The following HMCN1 variants were observed in gnomAD, a reference collection of about 807,000 sequenced individuals.
The protein encoded by HMCN1 is hemicentin 1.
A neutral mutation model predicts 625.9 loss-of-function variants in HMCN1; 321 were observed. The ratio of observed to expected loss-of-function variants is 0.51; its 90% CI spans 0.47 to 0.56. HMCN1 has a LOEUF of 0.56. HMCN1 is among the 20% of genes least tolerant of loss of function. The pLI is 0.00. For missense variants in HMCN1, 6,588 were observed against 6,887.3 expected (o/e 0.96, Z 1.54); for synonymous variants, 2,425 against 2,417.6 (o/e 1.00, Z -0.09).
rs2102655079 is a variant in HMCN1 at position 186,178,482 on chromosome 1, T to G, written c.16010T>G (p.Phe5337Cys). Residue 5337 changes from phenylalanine to cysteine, a missense_variant, in exon 104 of 107, where the codon TTC becomes TGC. Coordinates refer to ENST00000271588, the MANE Select transcript of HMCN1 (RefSeq NM_031935.3). ...CAGTGCTCCAACACCCCCGGCAGCT[T>G]CAAGTGTATCTGTCCACCAGGACAA... ...AHQCSNTPGS[F>C]KCICPPGQHL... 1.2e-6 allele frequency: 2 copies of G among 1,614,124 alleles called. No individual in the cohort carries two copies. The highest frequency in any genetic ancestry group is 8.5e-7 in the Non-Finnish European group (1 of 1,179,988).
Position 185,779,443 on chromosome 1 carries a change from T to A in HMCN1, c.268+44396T>A, listed in dbSNP as rs1431862027. The stretch of plus-strand genomic sequence containing the variant: ...GCCCACGCCTATGTCCTGAATGGTA[T>A]TGCCTAAGTTTTCTTCTAGAGTTTT... On this transcript the variant is annotated intron_variant, in intron 1 of 106. Transcript: ENST00000271588. Among the ~76,000 whole-genome samples the A allele has an allele frequency of 3.9e-5, 6 of 152,326 alleles. No individual in the cohort carries two copies. In the South Asian group the frequency reaches 6.2e-4, roughly 16 times the overall value.
At chr1:185,842,126 C>T (rs931047097) in intron 1 of HMCN1, among the ~76,000 whole-genome samples, 1 of 152,132 alleles carries the variant, frequency 6.6e-6, no homozygotes, top group African/African-American at 2.4e-5. Flanking sequence ...GCCCTTACTA[C>T]ATAGTACTAT....
intron 2 of HMCN1, among the ~76,000 whole-genome samples, chr1:185,848,174 T>A (rs1661952981): frequency 6.6e-6 from 1 of 152,172 alleles, no homozygotes; most frequent in Non-Finnish European, 1.5e-5. Context: ...ATCATTTCCT[T>A]ACTCCCATTT....
At chr1:185,882,512 G>C (rs954899264) in intron 4 of HMCN1, among the ~76,000 whole-genome samples, 6 of 151,562 alleles carry the variant, frequency 4.0e-5, no homozygotes, top group African/African-American at 1.5e-4. Context: ...AAAGTATCCT[G>C]TTTTTTTAAA....
intron 105 of HMCN1, among the ~76,000 whole-genome samples, chr1:186,183,354 C>G (rs1433104872): frequency 6.6e-6 from 1 of 152,150 alleles, no homozygotes; most frequent in African/African-American, 2.4e-5. Context: ...GCCACCTCAT[C>G]CCACACCACC....
chr1:185,997,214 GAAGCATAAAAT>G (rs1408677378), intron 24 of HMCN1, among the ~76,000 whole-genome samples: 3 of 152,070 alleles, frequency 2.0e-5, no homozygotes, highest in Admixed American at 6.6e-5. Flanking sequence ...AGGATTGTGG[GAAGCATAAAAT>G]AATGAATTTT....
intron 40 of HMCN1, among the ~76,000 whole-genome samples, chr1:186,041,592 A>G (rs1035734476): frequency 3.3e-5 from 5 of 152,116 alleles, no homozygotes; most frequent in African/African-American, 9.7e-5. Context: ...ACTCAATATA[A>G]ATTTAGGCAA....
intron 102 of HMCN1, among the ~76,000 whole-genome samples, chr1:186,173,507 G>A (rs1313145199): frequency 3.3e-5 from 5 of 151,846 alleles, no homozygotes; most frequent in Non-Finnish European, 5.9e-5. Context: ...TGGGCATGGT[G>A]GCGCATGCCT....
intron 15 of HMCN1, among the ~76,000 whole-genome samples, chr1:185,973,467 A>G (rs1391239113): frequency 6.6e-6 from 1 of 152,026 alleles, no homozygotes; most frequent in Non-Finnish European, 1.5e-5. Context: ...TTCCAAAACT[A>G]TTGGGCATAA....
At chr1:185,809,733 G>A (rs920356706) in intron 1 of HMCN1, among the ~76,000 whole-genome samples, 6 of 151,942 alleles carry the variant, frequency 3.9e-5, no homozygotes, top group African/African-American at 1.4e-4. Flanking sequence ...CAGTCAGGGA[G>A]GAGGTACTTC....
intron 1 of HMCN1, among the ~76,000 whole-genome samples, chr1:185,774,039 A>G (rs1656427996): frequency 6.6e-6 from 1 of 152,194 alleles, no homozygotes; most frequent in Non-Finnish European, 1.5e-5. Flanking sequence ...GATACAGACA[A>G]CTTGCTGTCT....
intron 75 of HMCN1, 135 bp from the exon 76 acceptor site, chr1:186,116,859 G>C (rs1661158464): frequency 2.0e-6 from 2 of 983,480 alleles, no homozygotes; most frequent in South Asian, 2.8e-5. Context: ...TTGGCCTCAG[G>C]GACATGATGT....
Position 186,094,329 on chromosome 1 carries a change from AC to A in HMCN1, c.10251del (p.Asn3417LysfsTer66). 6.2e-7 allele frequency: 1 copy of A among 1,613,380 alleles called. No individual in the cohort carries two copies. Among genetic ancestry groups the A allele is most frequent in the African/African-American group, 1.3e-5 (1 of 74,976 alleles). On this transcript the variant is annotated frameshift_variant, in exon 67 of 107. Coordinates refer to ENST00000271588, the MANE Select transcript of HMCN1 (RefSeq NM_031935.3). LOFTEE classifies it high-confidence loss of function. The part of the protein sequence containing the change: ...DVAVYTCVAS[N>X]RAGVDNKHYN... Reference sequence around the variant, plus strand: ...GCTGTGTATACTTGTGTGGCCTCCAACAGAGCTGGGGTGGATAATAAGCATT... The same window carrying A: ...GCTGTGTATACTTGTGTGGCCTCCAAAGAGCTGGGGTGGATAATAAGCATT...
rs1320526732 is a variant in HMCN1 at position 186,153,852 on chromosome 1, C to G, written c.15121C>G (p.His5041Asp). Residue 5041 changes from histidine (H) to aspartate (D), a missense_variant, in exon 97 of 107, where the codon CAC becomes GAC. Transcript: ENST00000271588. ...DGISIPYTWN[H>D]TVFYDQAQGR... ...CATCAGCATCCCATACACATGGAAC[C>G]ACACCGTTTTCTATGATCAGGCACA... The G allele has an allele frequency of 6.2e-7, 1 of 1,614,152 alleles. No homozygotes were observed. The highest frequency in any genetic ancestry group is 1.7e-5 in the Admixed American group (1 of 60,022).
At chr1:186,005,390 AC>A (rs1184824519) in intron 29 of HMCN1, among the ~76,000 whole-genome samples, 1 of 147,854 alleles carries the variant, frequency 6.8e-6, no homozygotes, top group Non-Finnish European at 1.5e-5. Context: ...ATGTTTATAA[AC>A]AAGTTTTTAA....
chr1:185,875,830 T>G (rs1053910321), intron 4 of HMCN1, among the ~76,000 whole-genome samples: 1 of 152,130 alleles, frequency 6.6e-6, no homozygotes, highest in Admixed American at 6.6e-5. Flanking sequence ...CCTTGAGTCA[T>G]CTAGTTATCT....
intron 97 of HMCN1, among the ~76,000 whole-genome samples, chr1:186,158,548 C>T (rs1324995308): frequency 6.6e-6 from 1 of 152,140 alleles, no homozygotes; most frequent in Non-Finnish European, 1.5e-5. Flanking sequence ...AGGTTTTCTT[C>T]TAGGGTTTTT....
chr1:186,178,423 T>G lies in HMCN1; in HGVS notation c.15951T>G (p.Asn5317Lys). Residue 5317 changes from asparagine to lysine, a missense_variant, in exon 104 of 107, where the codon AAT (asparagine) becomes AAG (lysine). Physicochemically the swap from Asn to Lys is moderately conservative, Grantham distance 94. Around this residue, in one of 3 missense-constraint regions of HMCN1, gnomAD observed 1,954 missense variants for 2,013.1 expected, o/e 0.97. Coordinates refer to ENST00000271588, the MANE Select transcript of HMCN1 (RefSeq NM_031935.3). ...ATCATGGCATACGAGCAGACATTAA[T>G]GAATGTGAACAAGTGCCTAAACCTT... ...QGVGRPCMDI[N>K]ECEQVPKPCA... 6.2e-7 allele frequency: 1 copy of G among 1,612,582 alleles called. No homozygotes were observed. The highest frequency in any genetic ancestry group is 8.5e-7 in the Non-Finnish European group (1 of 1,178,618).
At chr1:185,773,946 T>C (rs1292580771) in intron 1 of HMCN1, among the ~76,000 whole-genome samples, 2 of 151,710 alleles carry the variant, frequency 1.3e-5, no homozygotes, top group Non-Finnish European at 2.9e-5. Flanking sequence ...AAATTATGAG[T>C]GTGAGAATAA....
Sources: gnomAD v4.1 joint callset for allele counts (sites outside exome capture counted in the v4.1 genomes callset) on GRCh38, gnomAD v4.1.1 for gene constraint, gnomAD v4.1.1 regional missense constraint, MANE v1.5 for transcripts, NCBI Gene and HGNC (gene_info 2026-07-23, HGNC 2026-07-21) for gene names.